Variants in TRERF1 observed in about 807,000 individuals in gnomAD.
The protein encoded by TRERF1 is transcriptional-regulating factor 1.
TRERF1 carries 27 observed loss-of-function variants against 122.9 expected under a neutral mutation model. That is an observed-to-expected ratio of 0.22 (90% CI 0.16 to 0.30). The LOEUF is 0.30. Ranked by LOEUF, TRERF1 falls within the 10% of genes least tolerant of loss-of-function variation. The probability of loss-of-function intolerance (pLI) is 1.00; values close to 1 mark genes in which losing one functional copy is unlikely to be tolerated. For missense variants in TRERF1, 1,248 were observed against 1,560.3 expected (o/e 0.80, Z 3.37); for synonymous variants, 636 against 641.7 (o/e 0.99, Z 0.13).
intron 3 of TRERF1, among the ~76,000 whole-genome samples, chr6:42,319,253 T>C (rs1423291188): frequency 1.3e-5 from 2 of 152,234 alleles, no homozygotes; most frequent in Admixed American, 6.5e-5. Flanking sequence ...TGCATCAAAA[T>C]GTAAGATTTT....
intron 4 of TRERF1, among the ~76,000 whole-genome samples, chr6:42,277,385 C>G (rs895713578): frequency 2.0e-5 from 3 of 149,422 alleles, no homozygotes; most frequent in South Asian, 4.2e-4. Flanking sequence ...TTGCCAGTTG[C>G]CCTTTTCTGC....
intron 2 of TRERF1, among the ~76,000 whole-genome samples, chr6:42,409,658 C>T (rs770010658): frequency 3.3e-5 from 5 of 152,146 alleles, no homozygotes; most frequent in African/African-American, 9.7e-5. Flanking sequence ...TTGCAAACAG[C>T]GATATTTTTA....
chr6:42,339,259 A>T (rs532720655), intron 3 of TRERF1, among the ~76,000 whole-genome samples: 26 of 152,332 alleles, frequency 1.7e-4, no homozygotes, highest in African/African-American at 5.5e-4. Flanking sequence ...AGCCAAAAGC[A>T]TGCCTATGGT....
chr6:42,263,516 G>GGAGGCGGCAGTGGTGGCTGGGGCT lies in TRERF1; in HGVS notation c.1664_1687dup (p.Gln555_Pro562dup). 6.4e-7 allele frequency: 1 copy of GGAGGCGGCAGTGGTGGCTGGGGCT among 1,567,304 alleles called. No homozygotes were observed. Among genetic ancestry groups the GGAGGCGGCAGTGGTGGCTGGGGCT allele is most frequent in the Non-Finnish European group, 8.7e-7 (1 of 1,154,348 alleles). ...CTGTGGTGGCGGCGGAGGCGGAGGCGGAGGCGGCAGTGGTGGCTGGGGCTG... is the reference window on the plus strand; with the variant it reads ...CTGTGGTGGCGGCGGAGGCGGAGGCGGAGGCGGCAGTGGTGGCTGGGGCTGAGGCGGCAGTGGTGGCTGGGGCTG... On this transcript the variant is annotated inframe_insertion, in exon 8 of 18. Coordinates refer to ENST00000372922, the Ensembl canonical transcript of TRERF1. The surrounding 1 kb of genome is among the most constrained non-coding windows in gnomAD (Gnocchi z 5.6).
intron 2 of TRERF1, among the ~76,000 whole-genome samples, chr6:42,405,395 G>C (rs1780016609): frequency 6.6e-6 from 1 of 152,138 alleles, no homozygotes; most frequent in Non-Finnish European, 1.5e-5. Flanking sequence ...TGAAAAACAA[G>C]AATGATTAGC....
At chr6:42,391,976 A>G (rs189669553) in intron 2 of TRERF1, among the ~76,000 whole-genome samples, 107 of 152,338 alleles carry the variant, frequency 7.0e-4, no homozygotes, top group Admixed American at 1.3e-3. Context: ...TGGGAGAAAG[A>G]CATCCAGAGT....
intron 3 of TRERF1, among the ~76,000 whole-genome samples, chr6:42,333,542 C>T (rs1562007965): frequency 6.6e-6 from 1 of 152,226 alleles, no homozygotes; most frequent in Non-Finnish European, 1.5e-5. Flanking sequence ...GGCTGCCCTG[C>T]ACCCTGCGCA....
chr6:42,278,437 T>C (rs1781689319), intron 4 of TRERF1, among the ~76,000 whole-genome samples: 1 of 152,166 alleles, frequency 6.6e-6, no homozygotes, highest in Admixed American at 6.5e-5. Context: ...ACTGATAAAG[T>C]CAGCTACAGC....
At chr6:42,289,872 T>C (rs1784001159) in intron 4 of TRERF1, among the ~76,000 whole-genome samples, 1 of 151,502 alleles carries the variant, frequency 6.6e-6, no homozygotes, top group African/African-American at 2.4e-5. Flanking sequence ...GACGGAGGGG[T>C]GTTTTGGGGT....
intron 13 of TRERF1, among the ~76,000 whole-genome samples, chr6:42,248,632 G>A (rs986210570): frequency 2.0e-5 from 3 of 152,164 alleles, no homozygotes; most frequent in South Asian, 2.1e-4. Context: ...GATTACAGAC[G>A]TGTGCCACTG....
At position 42,342,090 on chromosome 6, in the gene TRERF1, G is replaced by A. The variant is rs991258328; in HGVS notation, c.-371+20907C>T. Among the ~76,000 whole-genome samples the A allele has an allele frequency of 3.3e-5, 5 of 152,376 alleles. No homozygotes were observed. The South Asian group carries it at 8.3e-4, about 25-fold the overall frequency. On this transcript the variant is annotated intron_variant, in intron 3 of 17. Transcript: ENST00000372922. ...TGCATCCAACTCATTTATTCTGCAT[G>A]TGTCTACTGGGCTCCCCCTGAGGGC... is the stretch of plus-strand genomic sequence containing the variant.
At chr6:42,238,019 G>T (rs1772662482) in intron 15 of TRERF1, among the ~76,000 whole-genome samples, 1 of 152,168 alleles carries the variant, frequency 6.6e-6, no homozygotes, top group African/African-American at 2.4e-5. Context: ...TTGACAAAGT[G>T]GTTTATGATC....
intron 2 of TRERF1, among the ~76,000 whole-genome samples, chr6:42,391,554 C>A (rs1388235712): frequency 6.6e-6 from 1 of 152,112 alleles, no homozygotes; most frequent in East Asian, 1.9e-4. Flanking sequence ...CTCAGGGAGT[C>A]CTCCTGCCCA....
chr6:42,400,329 C>T (rs1779206902), intron 2 of TRERF1, among the ~76,000 whole-genome samples: 1 of 152,208 alleles, frequency 6.6e-6, no homozygotes, highest in Non-Finnish European at 1.5e-5. Context: ...CGCAGCCCAG[C>T]ATGCAAACAC....
intron 8 of TRERF1, among the ~76,000 whole-genome samples, chr6:42,262,044 C>A (rs896564561): frequency 6.6e-6 from 1 of 151,980 alleles, no homozygotes; most frequent in Non-Finnish European, 1.5e-5. Flanking sequence ...ATTGAGAGTT[C>A]CCCAAGGGAA....
At chr6:42,244,955 G>A (rs183641102) in intron 14 of TRERF1, among the ~76,000 whole-genome samples, 247 of 152,358 alleles carry the variant, frequency 1.6e-3, no homozygotes, top group African/African-American at 5.6e-3. Flanking sequence ...ACCCTTGAGG[G>A]TGGGAACAAG....
At chr6:42,225,191 C>T (rs1419123772), downstream of TRERF1, 14 of 147,706 alleles carry the variant, frequency 9.5e-5, no homozygotes, top group Admixed American at 8.8e-4. Context: ...CCTAGAATGC[C>T]CCAGTTTCCT....
intron 13 of TRERF1, 100 bp downstream of exon 13, chr6:42,254,751 G>A: frequency 9.0e-7 from 1 of 1,110,400 alleles, no homozygotes; most frequent in Non-Finnish European, 1.4e-6. Flanking sequence ...TGGTGATTAG[G>A]ACAGAACCGG....
intron 2 of TRERF1, among the ~76,000 whole-genome samples, chr6:42,438,338 G>A (rs190226410): frequency 3.3e-5 from 5 of 151,714 alleles, no homozygotes; most frequent in South Asian, 2.1e-4. Flanking sequence ...GGCCGGGGGC[G>A]GTGGCTCACG....
Sources: allele counts gnomAD v4.1 joint callset (sites outside exome capture counted in the v4.1 genomes callset), GRCh38; gene constraint gnomAD v4.1.1; non-coding constraint Gnocchi (gnomAD v3.1); transcripts MANE v1.5; gene names NCBI Gene and HGNC (gene_info 2026-07-23, HGNC 2026-07-21).